Variants in CLRN1 observed in about 807,000 individuals in gnomAD.
CLRN1 encodes the protein clarin 1.
CLRN1 carries 15 observed loss-of-function variants against 18.7 expected under a neutral mutation model. That is an observed-to-expected ratio of 0.80 (90% CI 0.54 to 1.23). CLRN1 has a LOEUF of 1.23. CLRN1 is among the 50% of genes most tolerant of loss of function. The probability of loss-of-function intolerance (pLI) is 0.00; values close to 1 mark genes in which losing one functional copy is unlikely to be tolerated. For missense variants in CLRN1, 311 were observed against 277.5 expected, an observed-to-expected ratio of 1.12 and a Z score of -0.86; for synonymous variants, 104 against 102.9, an observed-to-expected ratio of 1.01 and a Z score of -0.07.
In CLRN1 at chr3:150,933,973, T is replaced by C. The variant is rs1454338041; in HGVS notation, c.434-5772A>G. ...GAAACTAGCAGAATACATTCATTACTGGGTTTTCCTGCCACAAATCCTTTA... is the reference window on the plus strand; with the variant it reads ...GAAACTAGCAGAATACATTCATTACCGGGTTTTCCTGCCACAAATCCTTTA... On this transcript the variant is annotated intron_variant, in intron 2 of 2. Coordinates refer to ENST00000327047, the MANE Select transcript of CLRN1 (RefSeq NM_174878.3). Among the ~76,000 whole-genome samples the C allele has an allele frequency of 2.0e-5, 3 of 152,206 alleles. No homozygotes were observed. The East Asian group carries it at 5.8e-4, about 29-fold the overall frequency.
intron 1 of CLRN1, chr3:150,943,828 T>A (rs1196942531): frequency 6.2e-7 from 1 of 1,614,190 alleles, no homozygotes; most frequent in South Asian, 1.1e-5. Context: ...ACCTGGTTGC[T>A]GCTGCAGGGC....
rs141131829 is a variant in CLRN1 at position 150,967,362 on chromosome 3, A to C, written c.253+5094T>G. Among the ~76,000 whole-genome samples the C allele has an allele frequency of 3.6e-3, 554 of 152,322 alleles. 5 individuals are homozygous for C. Among genetic ancestry groups the C allele is most frequent in the Middle Eastern group, 0.01 (3 of 292 alleles). ...TTTTTCTTTCACAATAGTGCTTCTC[A>C]TACATTATTATCTTCTATTCCATTA... On this transcript the variant is annotated intron_variant, in intron 1 of 2. Coordinates refer to ENST00000327047, the MANE Select transcript of CLRN1 (RefSeq NM_174878.3).
At chr3:150,946,111 A>AATGTG (rs1714152441) in intron 1 of CLRN1, among the ~76,000 whole-genome samples, 1 of 152,232 alleles carries the variant, frequency 6.6e-6, no homozygotes, top group South Asian at 2.1e-4. Flanking sequence ...TATTCATCAA[A>AATGTG]ATGTGATGTG....
chr3:150,966,976 G>A (rs556878816), intron 1 of CLRN1, among the ~76,000 whole-genome samples: 6 of 152,262 alleles, frequency 3.9e-5, no homozygotes, highest in East Asian at 1.9e-4. Flanking sequence ...ACCTAGTATC[G>A]TCTCCCATAT....
Position 150,941,524 on chromosome 3 carries a change from G to T in CLRN1, c.433+58C>A. ...ATTATAACTTTATATTTAGGTAGAC[G>T]GTCTTTTTGACATATTGAAAAGCAC... is the stretch of plus-strand genomic sequence containing the variant. On this transcript the variant is annotated intron_variant, in intron 2 of 2. Coordinates refer to ENST00000327047, the MANE Select transcript of CLRN1 (RefSeq NM_174878.3). 2.0e-6 allele frequency: 3 copies of T among 1,508,008 alleles called. No homozygotes were observed. The South Asian group carries it at 3.4e-5, about 17-fold the overall frequency. The allele number at this position is 1,508,008 out of a possible 1,614,324, so 93.4% of individuals were successfully genotyped here.
intron 2 of CLRN1, chr3:150,940,530 A>G: frequency 6.5e-7 from 1 of 1,534,500 alleles, no homozygotes; most frequent in Non-Finnish European, 8.7e-7. Context: ...CTTCAGGAGA[A>G]AAAGAAACAG....
At chr3:150,947,299 A>C (rs1309335952) in intron 1 of CLRN1, among the ~76,000 whole-genome samples, 1 of 152,206 alleles carries the variant, frequency 6.6e-6, no homozygotes, top group Non-Finnish European at 1.5e-5. Context: ...CAAAGAAAAA[A>C]AAAGACAAAG....
intron 1 of CLRN1, among the ~76,000 whole-genome samples, chr3:150,954,334 T>C (rs1347632955): frequency 6.6e-6 from 1 of 152,240 alleles, no homozygotes; most frequent in Non-Finnish European, 1.5e-5. Flanking sequence ...AATAGATATG[T>C]AGTTTATCTC....
At chr3:150,960,085 G>C (rs1714952395) in intron 1 of CLRN1, among the ~76,000 whole-genome samples, 1 of 152,108 alleles carries the variant, frequency 6.6e-6, no homozygotes, top group Non-Finnish European at 1.5e-5. Flanking sequence ...AGTTAGGAAA[G>C]TTTAAAATTC....
intron 1 of CLRN1, among the ~76,000 whole-genome samples, chr3:150,954,864 C>G (rs1714661075): frequency 6.6e-6 from 1 of 152,194 alleles, no homozygotes; most frequent in South Asian, 2.1e-4. Flanking sequence ...GAAAACTGAA[C>G]ATAGACTTAA....
At chr3:150,948,750 T>C (rs146434286) in intron 1 of CLRN1, among the ~76,000 whole-genome samples, 1 of 152,130 alleles carries the variant, frequency 6.6e-6, no homozygotes, top group African/African-American at 2.4e-5. Flanking sequence ...CAGGACCTGA[T>C]GGCTTCACAG....
chr3:150,942,917 G>A (rs181989447), intron 1 of CLRN1, among the ~76,000 whole-genome samples: 27 of 152,212 alleles, frequency 1.8e-4, no homozygotes, highest in African/African-American at 6.5e-4. Flanking sequence ...GGAAGCTTGA[G>A]TTGCCAAGAA....
intron 1 of CLRN1, among the ~76,000 whole-genome samples, chr3:150,954,256 T>C (rs1490757133): frequency 6.6e-6 from 1 of 152,188 alleles, no homozygotes; most frequent in Non-Finnish European, 1.5e-5. Context: ...CCACTAGCAA[T>C]GTAAGAGAGT....
intron 2 of CLRN1, 168 bp downstream of exon 2, chr3:150,941,414 C>A: frequency 6.0e-6 from 4 of 661,816 alleles, no homozygotes; most frequent in South Asian, 3.7e-5. Flanking sequence ...TTATTGAATT[C>A]CCTACTGTTG....
At chr3:150,929,065 A>G (rs7642494) in intron 2 of CLRN1, among the ~76,000 whole-genome samples, 1,701 of 152,324 alleles carry the variant, frequency 0.011, 34 homozygotes, top group African/African-American at 0.039. Flanking sequence ...AGATCCTTGG[A>G]GCCTCTGGAC....
intron 1 of CLRN1, among the ~76,000 whole-genome samples, chr3:150,950,861 T>C (rs1309667400): frequency 6.6e-6 from 1 of 152,204 alleles, no homozygotes; most frequent in African/African-American, 2.4e-5. Flanking sequence ...GTTGCAGCAC[T>C]ATTCACAATT....
intron 2 of CLRN1, 117 bp downstream of exon 2, chr3:150,941,465 A>G (rs1713834972): frequency 9.6e-7 from 1 of 1,046,554 alleles, no homozygotes; most frequent in Non-Finnish European, 1.4e-6. Context: ...ATTATGTATA[A>G]TACTACAGTG....
At chr3:150,943,719 AG>A in intron 1 of CLRN1, 2 of 1,587,736 alleles carry the variant, frequency 1.3e-6, no homozygotes, top group Non-Finnish European at 1.7e-6. Context: ...GATGAAGCAA[AG>A]GGCCCACTGA....
At chr3:150,938,611 A>G (rs1284516146) in intron 2 of CLRN1, among the ~76,000 whole-genome samples, 1 of 152,140 alleles carries the variant, frequency 6.6e-6, no homozygotes, top group Non-Finnish European at 1.5e-5. Context: ...GTTATTGAAC[A>G]TTTTGATATT....
Sources: gnomAD v4.1 joint callset for allele counts (sites outside exome capture counted in the v4.1 genomes callset) on GRCh38, gnomAD v4.1.1 for gene constraint, MANE v1.5 for transcripts, NCBI Gene and HGNC (gene_info 2026-07-23, HGNC 2026-07-21) for gene names.